EXTL3: variants seen among roughly 807,000 people sequenced by gnomAD.
EXTL3 encodes the protein exostosin-like 3.
A neutral mutation model predicts 69.3 loss-of-function variants in EXTL3; 27 were observed. The observed-to-expected ratio is 0.39, with a 90% CI of 0.29 to 0.54. The LOEUF (loss-of-function observed/expected upper bound fraction) is 0.54. EXTL3 is among the 20% of genes least tolerant of loss of function. The probability of loss-of-function intolerance (pLI) is 0.69; values close to 1 mark genes in which losing one functional copy is unlikely to be tolerated. For synonymous variants in EXTL3, 511 were observed against 499.4 expected, an observed-to-expected ratio of 1.02 and a Z score of -0.31; for missense variants, 1,003 against 1,231.8, an observed-to-expected ratio of 0.81 and a Z score of 2.78.
intron 6 of EXTL3, among the ~76,000 whole-genome samples, chr8:28,749,607 G>A (rs1177732896): frequency 6.6e-6 from 1 of 151,192 alleles, no homozygotes; most frequent in African/African-American, 2.4e-5. Flanking sequence ...CTTTTTCATT[G>A]TTTGGCCTCT....
intron 1 of EXTL3, among the ~76,000 whole-genome samples, chr8:28,652,273 C>G (rs1313253392): frequency 6.6e-6 from 1 of 152,170 alleles, no homozygotes; most frequent in East Asian, 1.9e-4. Context: ...AAGCTGTTTT[C>G]CACAGTGGTT....
At chr8:28,743,029 A>G in intron 5 of EXTL3, 57 bp from the exon 6 acceptor site, 2 of 1,609,114 alleles carry the variant, frequency 1.2e-6, no homozygotes, top group South Asian at 2.2e-5. Context: ...TTTTGGCTGA[A>G]AGCCAACAAC....
At chr8:28,653,903 T>C (rs1806966493) in intron 1 of EXTL3, among the ~76,000 whole-genome samples, 1 of 152,198 alleles carries the variant, frequency 6.6e-6, no homozygotes, top group Non-Finnish European at 1.5e-5. Flanking sequence ...TAGAATGGGA[T>C]TTTTCATTTC....
At chr8:28,694,353 T>C (rs538142042) in intron 1 of EXTL3, among the ~76,000 whole-genome samples, 1 of 152,370 alleles carries the variant, frequency 6.6e-6, no homozygotes, top group African/African-American at 2.4e-5. Flanking sequence ...GTGAAAGAAA[T>C]GTGTGCACCA....
At chr8:28,687,723 G>C (rs982636614) in intron 1 of EXTL3, among the ~76,000 whole-genome samples, 7 of 152,140 alleles carry the variant, frequency 4.6e-5, no homozygotes, top group African/African-American at 1.7e-4. Flanking sequence ...AGACACACAA[G>C]CATTTAAGGG....
chr8:28,640,688 G>A (rs779016836), intron 1 of EXTL3, among the ~76,000 whole-genome samples: 2 of 152,080 alleles, frequency 1.3e-5, no homozygotes, highest in Admixed American at 1.3e-4. Flanking sequence ...CTGCAGCTTC[G>A]ACCTCCTGGG....
In EXTL3 at chr8:28,716,449, G is replaced by C. The variant is rs755362611; in HGVS notation, c.390G>C (p.Gln130His). Residue 130 changes from glutamine (Q) to histidine (H), a missense_variant, in exon 3 of 7, where the codon CAG becomes CAC. Physicochemically the swap from Gln to His is conservative, Grantham distance 24 (BLOSUM62 0). This residue lies in a region of EXTL3 where 742 missense variants were observed against 815.4 expected (regional missense o/e 0.91). Transcript: ENST00000220562. The surrounding 1 kb of genome is among the most constrained non-coding windows in gnomAD (Gnocchi z 7.1). ...SIENAKQDLLQLKNVISQTEH... is the reference protein window; with the variant it reads ...SIENAKQDLLHLKNVISQTEH... ...AGAACGCCAAGCAGGACCTGCTCCA[G>C]CTCAAGAATGTCATCAGCCAGACCG... is the stretch of plus-strand genomic sequence containing the variant. 1.2e-6 allele frequency: 2 copies of C among 1,613,804 alleles called. No individual in the cohort carries two copies. Among genetic ancestry groups the C allele is most frequent in the Admixed American group, 1.7e-5 (1 of 60,002 alleles).
intron 4 of EXTL3, among the ~76,000 whole-genome samples, chr8:28,735,088 C>T (rs1029508473): frequency 6.8e-6 from 1 of 147,500 alleles, no homozygotes; most frequent in Non-Finnish European, 1.5e-5. Flanking sequence ...CCTGGTAAAC[C>T]GAGGTGTATT....
rs554571874 is a variant in EXTL3 at position 28,655,415 on chromosome 8, C to T, written c.-53+32605C>T. Among the ~76,000 whole-genome samples the T allele has an allele frequency of 7.3e-4, 111 of 152,082 alleles. 1 individual carries two copies. The highest frequency in any genetic ancestry group is 2.5e-3 in the African/African-American group (103 of 41,492). On this transcript the variant is annotated intron_variant, in intron 1 of 6. Coordinates refer to the EXTL3 transcript ENST00000523149. The stretch of plus-strand genomic sequence containing the variant: ...TGATAGAGCTACATTTAAGCCGGAA[C>T]GATCTGATTCTGAAACCCATGCTCT...
intron 1 of EXTL3, among the ~76,000 whole-genome samples, chr8:28,668,617 G>T (rs2053245): frequency 6.6e-6 from 1 of 151,912 alleles, no homozygotes; most frequent in Non-Finnish European, 1.5e-5. Context: ...GATTACAGGC[G>T]TGAGCCACTG....
At chr8:28,617,619 A>G (rs1400316578) in intron 2 of EXTL3, among the ~76,000 whole-genome samples, 1 of 152,166 alleles carries the variant, frequency 6.6e-6, no homozygotes, top group Admixed American at 6.5e-5. Context: ...CCCTGTCTCT[A>G]CAAAAAACAC....
rs753286549 is a variant in EXTL3 at position 28,755,530 on chromosome 8, C to G, written c.*4664C>G. 6.6e-6 allele frequency: 1 copy of G among 152,334 alleles called. No individual in the cohort carries two copies. The highest frequency in any genetic ancestry group is 2.4e-5 in the African/African-American group (1 of 41,468). The allele number at this position is 152,334 out of a possible 1,614,324, so 9.4% of individuals were successfully genotyped here. A position where few individuals can be genotyped will look rare whatever the true frequency, so the allele number is the denominator to read the frequency against. ...TGGGGAGGCCAAGGCGGGTGGATCA[C>G]CTGAGGTCAGGAGTTTGAGACCAGC... On this transcript the variant is annotated 3_prime_UTR_variant, in exon 7 of 7. Transcript: ENST00000220562.
At chr8:28,706,445 C>A (rs1800924373) in intron 1 of EXTL3, among the ~76,000 whole-genome samples, 1 of 152,142 alleles carries the variant, frequency 6.6e-6, no homozygotes, top group Non-Finnish European at 1.5e-5. Context: ...TTTTCTCACT[C>A]ATGATTCTTT....
At position 28,716,157 on chromosome 8, in the gene EXTL3, G is replaced by C. The variant is rs1450991757; in HGVS notation, c.98G>C (p.Ser33Thr). The part of the protein sequence containing the change: ...WSNRIRLTWL[S>T]FTLFVILVFF... ...AACCGCATCCGCCTCACGTGGCTCA[G>C]CTTCACGCTCTTTGTCATCCTGGTC... The change falls in exon 3 of 7, where the codon AGC becomes ACC. Residue 33 changes from serine to threonine, a missense_variant. By Grantham distance (58) the Ser-to-Thr change is moderately conservative. Around this residue, in one of 2 missense-constraint regions of EXTL3, gnomAD observed 742 missense variants for 815.4 expected, o/e 0.91. Coordinates refer to ENST00000220562, the MANE Select transcript of EXTL3 (RefSeq NM_001440.4). This position sits in a 1 kb window ranked among gnomAD's most constrained non-coding sequence, Gnocchi z 7.1. 6.2e-7 allele frequency: 1 copy of C among 1,614,110 alleles called. No individual in the cohort carries two copies. The highest frequency in any genetic ancestry group is 8.5e-7 in the Non-Finnish European group (1 of 1,180,034).
chr8:28,717,596 C>G lies in EXTL3; in HGVS notation c.1537C>G (p.Arg513Gly). ...SDLLAMRRQG[R>G]FLWETYFSTA... ...CCTCCTGGCTATGAGGCGGCAAGGC[C>G]GCTTTCTCTGGGAGACTTACTTCTC... Residue 513 changes from arginine (R) to glycine (G), a missense_variant, in exon 3 of 7, where the codon CGC becomes GGC. Physicochemically the swap from Arg to Gly is moderately radical, Grantham distance 125. This residue lies in a region of EXTL3 where 742 missense variants were observed against 815.4 expected (regional missense o/e 0.91). Transcript: ENST00000220562. This position sits in a 1 kb window ranked among gnomAD's most constrained non-coding sequence, Gnocchi z 8.3. The G allele has an allele frequency of 1.2e-6, 2 of 1,614,228 alleles. No individual in the cohort carries two copies. Among genetic ancestry groups the G allele is most frequent in the Non-Finnish European group, 1.7e-6 (2 of 1,180,044 alleles).
intron 5 of EXTL3, chr8:28,740,112 A>G (rs1801743775): frequency 6.6e-6 from 1 of 152,184 alleles, no homozygotes; most frequent in Non-Finnish European, 1.5e-5. Flanking sequence ...TGCACTGACA[A>G]CTTCTAAAAA....
rs113780241 is a variant in EXTL3, at chr8:28,750,026, T to G, written c.2551-631T>G. On this transcript the variant is annotated intron_variant, in intron 6 of 6. Coordinates refer to ENST00000220562, the MANE Select transcript of EXTL3 (RefSeq NM_001440.4). The surrounding 1 kb of genome is among the most constrained non-coding windows in gnomAD (Gnocchi z 5.2). ...TCTGCCCTGTATTTAAAGAGATGGT[T>G]TATGTATTTCTTCTTGCATGTTCAG... 3.2e-3 allele frequency among the ~76,000 whole-genome samples: 487 copies of G among 152,316 alleles called. 5 individuals are homozygous for G. The highest frequency in any genetic ancestry group is 0.011 in the African/African-American group (470 of 41,562).
chr8:28,694,621 C>T (rs766683701), intron 1 of EXTL3, among the ~76,000 whole-genome samples: 4 of 148,570 alleles, frequency 2.7e-5, no homozygotes, highest in Non-Finnish European at 6.0e-5. Flanking sequence ...TCATTTTTCT[C>T]ATTTGTGACA....
chr8:28,684,490 C>G (rs1807545092), intron 1 of EXTL3, among the ~76,000 whole-genome samples: 1 of 152,070 alleles, frequency 6.6e-6, no homozygotes, highest in South Asian at 2.1e-4. Flanking sequence ...CCCTTGTAAT[C>G]CCAGTACTTT....
Sources: gnomAD v4.1 joint callset for allele counts (sites outside exome capture counted in the v4.1 genomes callset) on GRCh38, gnomAD v4.1.1 for gene constraint, gnomAD v4.1.1 regional missense constraint, Gnocchi (gnomAD v3.1) non-coding constraint, MANE v1.5 for transcripts, NCBI Gene and HGNC (gene_info 2026-07-23, HGNC 2026-07-21) for gene names.